Variants in SBF2 observed in about 807,000 individuals in gnomAD.
The protein encoded by SBF2 is myotubularin-related protein 13.
SBF2 carries 112 observed loss-of-function variants against 225.2 expected under a neutral mutation model. The observed-to-expected ratio is 0.50, with a 90% CI of 0.43 to 0.58. The LOEUF is 0.58. Among genes scored for constraint, SBF2 ranks in the 20% least tolerant of loss-of-function variants. The probability of loss-of-function intolerance (pLI) is 0.00; values close to 1 mark genes in which losing one functional copy is unlikely to be tolerated. For missense variants in SBF2, 1,996 were observed against 2,206.2 expected, an observed-to-expected ratio of 0.90 and a Z score of 1.91; for synonymous variants, 763 against 773.3, an observed-to-expected ratio of 0.99 and a Z score of 0.22.
intron 2 of SBF2, among the ~76,000 whole-genome samples, chr11:10,046,482 A>G (rs1195319050): frequency 2.0e-5 from 3 of 152,200 alleles, no homozygotes; most frequent in Non-Finnish European, 4.4e-5. Flanking sequence ...TTAAAGCATT[A>G]TATCGTATCA....
intron 2 of SBF2, among the ~76,000 whole-genome samples, chr11:10,190,453 T>G (rs985501612): frequency 2.6e-5 from 4 of 152,224 alleles, no homozygotes; most frequent in African/African-American, 9.6e-5. Flanking sequence ...TACTTTCATA[T>G]TTTTATTTTT....
intron 33 of SBF2, 78 bp downstream of exon 33, chr11:9,795,753 T>C: frequency 1.3e-6 from 2 of 1,507,378 alleles, no homozygotes; most frequent in East Asian, 2.3e-5. Flanking sequence ...GTCTTGGGGA[T>C]AGTTACATTA....
At chr11:9,942,813 A>G (rs2134298792) in intron 16 of SBF2, among the ~76,000 whole-genome samples, 1 of 151,732 alleles carries the variant, frequency 6.6e-6, no homozygotes, top group African/African-American at 2.4e-5. Context: ...CCTGGGCGAC[A>G]GAGTAAGAGA....
intron 1 of SBF2, among the ~76,000 whole-genome samples, chr11:10,220,568 A>G (rs116175277): frequency 1.5e-3 from 222 of 152,002 alleles, no homozygotes; most frequent in African/African-American, 5.1e-3. Flanking sequence ...TGGTATCCCT[A>G]CCTCCTGTTT....
intron 2 of SBF2, among the ~76,000 whole-genome samples, chr11:10,146,626 G>C (rs567259674): frequency 6.6e-6 from 1 of 152,242 alleles, no homozygotes; most frequent in African/African-American, 2.4e-5. Flanking sequence ...AACCCTGGAA[G>C]ACAACCTAGG....
chr11:10,217,036 C>A (rs1432474826), intron 1 of SBF2, among the ~76,000 whole-genome samples: 1 of 152,066 alleles, frequency 6.6e-6, no homozygotes, highest in East Asian at 1.9e-4. Context: ...ACTTTCCTTG[C>A]CTTTCATAGT....
At chr11:10,035,774 G>C (rs923194928) in intron 3 of SBF2, among the ~76,000 whole-genome samples, 1 of 152,190 alleles carries the variant, frequency 6.6e-6, no homozygotes, top group African/African-American at 2.4e-5. Context: ...ACAGATGCTG[G>C]AGAGGATGTG....
At chr11:10,018,343 G>C (rs1948724487) in intron 6 of SBF2, among the ~76,000 whole-genome samples, 1 of 151,836 alleles carries the variant, frequency 6.6e-6, no homozygotes, top group Non-Finnish European at 1.5e-5. Flanking sequence ...TAAAATAATA[G>C]AGCTATGTAT....
intron 2 of SBF2, among the ~76,000 whole-genome samples, chr11:10,060,021 T>C (rs747309972): frequency 2.2e-4 from 33 of 150,910 alleles, no homozygotes; most frequent in Admixed American, 3.3e-4. Context: ...AGACGAGAAA[T>C]AACAAAAATC....
At position 9,998,328 on chromosome 11, in the gene SBF2, A is replaced by C. The variant is rs758820956; in HGVS notation, c.913T>G (p.Cys305Gly). 1.9e-6 allele frequency: 3 copies of C among 1,610,220 alleles called. No homozygotes were observed. The highest frequency in any genetic ancestry group is 2.5e-6 in the Non-Finnish European group (3 of 1,176,718). Residue 305 changes from cysteine to glycine, a missense_variant, in exon 9 of 40, where the codon TGT becomes GGT. Transcript: ENST00000256190. ...LDGGTIKIPECIHLSSLPEPL... is the reference protein window; with the variant it reads ...LDGGTIKIPEGIHLSSLPEPL... ...TCTGGGAGGGAAGAGAGGTGAATAC[A>C]TTCGGGAATTTTAATAGTGCCTCCA...
chr11:10,013,529 T>C (rs1948533151), intron 6 of SBF2, among the ~76,000 whole-genome samples: 1 of 152,246 alleles, frequency 6.6e-6, no homozygotes, highest in Non-Finnish European at 1.5e-5. Context: ...TTCAACAACT[T>C]TGTCTAGTTT....
intron 2 of SBF2, among the ~76,000 whole-genome samples, chr11:10,171,077 T>A (rs1018083892): frequency 1.3e-5 from 2 of 152,214 alleles, no homozygotes; most frequent in Non-Finnish European, 2.9e-5. Context: ...AGATCCATCA[T>A]CTGCAAAGAA....
Position 9,808,975 on chromosome 11 carries a change from C to G in SBF2, c.4183G>C (p.Val1395Leu). Residue 1395 changes from valine (V) to leucine (L), a missense_variant, in exon 31 of 40, where the codon GTT becomes CTT. Transcript: ENST00000256190. ...QLHRIMQLAV[V>L]VSEVLENGSS... ...CCATTCTCAAGTACTTCTGATACAA[C>G]CACAGCCAGCTGCATTATCCTGTGA... is the stretch of plus-strand genomic sequence containing the variant. The G allele has an allele frequency of 1.2e-6, 2 of 1,614,002 alleles. No individual in the cohort carries two copies. The highest frequency in any genetic ancestry group is 1.7e-6 in the Non-Finnish European group (2 of 1,179,904).
intron 1 of SBF2, among the ~76,000 whole-genome samples, chr11:10,281,972 C>T (rs370428582): frequency 1.3e-5 from 2 of 152,226 alleles, no homozygotes; most frequent in East Asian, 1.9e-4. Flanking sequence ...TATTGAACTT[C>T]TAAAAAGAAA....
intron 2 of SBF2, among the ~76,000 whole-genome samples, chr11:10,059,052 A>C (rs901099423): frequency 1.3e-5 from 2 of 152,218 alleles, no homozygotes; most frequent in African/African-American, 4.8e-5. Context: ...CTAATACAAA[A>C]ACACACTTAA....
intron 1 of SBF2, among the ~76,000 whole-genome samples, chr11:10,242,918 C>T (rs554341991): frequency 1.3e-5 from 2 of 152,182 alleles, no homozygotes; most frequent in East Asian, 1.9e-4. Flanking sequence ...AAATAATGAA[C>T]AAATCATCCA....
chr11:10,136,610 C>T (rs1954367960), intron 2 of SBF2, among the ~76,000 whole-genome samples: 1 of 152,172 alleles, frequency 6.6e-6, no homozygotes, highest in African/African-American at 2.4e-5. Flanking sequence ...AGCATGCATA[C>T]TCCATACTTG....
intron 13 of SBF2, among the ~76,000 whole-genome samples, chr11:9,975,290 T>C (rs1039280702): frequency 2.6e-5 from 4 of 152,200 alleles, no homozygotes; most frequent in African/African-American, 9.7e-5. Flanking sequence ...CTTTAGTCCA[T>C]CCATAAAGTG....
At chr11:9,806,320 T>C (rs1390626793) in intron 32 of SBF2, among the ~76,000 whole-genome samples, 1 of 152,200 alleles carries the variant, frequency 6.6e-6, no homozygotes, top group Admixed American at 6.5e-5. Flanking sequence ...CACAAATTAG[T>C]AATTATTGTT....
Sources: gnomAD v4.1 joint callset for allele counts (sites outside exome capture counted in the v4.1 genomes callset) on GRCh38, gnomAD v4.1.1 for gene constraint, MANE v1.5 for transcripts, NCBI Gene and HGNC (gene_info 2026-07-23, HGNC 2026-07-21) for gene names.